SEMA6D: variants seen among roughly 807,000 people sequenced by gnomAD.
SEMA6D encodes the protein semaphorin 6D, also known as semaphorin-6D.
A neutral mutation model predicts 106.6 loss-of-function variants in SEMA6D; 35 were observed. The observed-to-expected ratio is 0.33, with a 90% CI of 0.25 to 0.44. SEMA6D has a LOEUF of 0.44. SEMA6D is among the 20% of genes least tolerant of loss of function. The pLI is 1.00. For synonymous variants in SEMA6D, 499 were observed against 487.7 expected, an observed-to-expected ratio of 1.02 and a Z score of -0.31; for missense variants, 1,185 against 1,345.9, an observed-to-expected ratio of 0.88 and a Z score of 1.87.
chr15:47,603,834 T>C (rs2076716608), intron 4 of SEMA6D: 1 of 152,198 alleles, frequency 6.6e-6, no homozygotes, highest in Non-Finnish European at 1.5e-5. Context: ...ACTTTCTGTT[T>C]CCTTTTGAGT....
At chr15:47,359,253 G>T (rs973163128) in intron 1 of SEMA6D, among the ~76,000 whole-genome samples, 2 of 152,096 alleles carry the variant, frequency 1.3e-5, no homozygotes, top group African/African-American at 4.8e-5. Flanking sequence ...GTGTACATAT[G>T]ACACCCAGTT....
At chr15:47,546,728 G>T (rs1596291685) in intron 3 of SEMA6D, among the ~76,000 whole-genome samples, 1 of 151,832 alleles carries the variant, frequency 6.6e-6, no homozygotes, top group Non-Finnish European at 1.5e-5. Flanking sequence ...TACATTTGAT[G>T]TGTATCTCGG....
intron 1 of SEMA6D, among the ~76,000 whole-genome samples, chr15:47,379,340 A>T (rs1313536083): frequency 6.6e-6 from 1 of 152,232 alleles, no homozygotes; most frequent in Non-Finnish European, 1.5e-5. Context: ...CTAAAATAAT[A>T]GGTCAGTAAA....
rs1036194621 is a variant in SEMA6D at position 47,508,709 on chromosome 15, CCG to C, written c.-87+38166_-87+38167del. ...CAAGTGTAACCTCAGGATTGTTATC[CCG>C]CAGGGAGTACACACCTAGTGTAGTG... On this transcript the variant is annotated intron_variant, in intron 3 of 19. Coordinates refer to the SEMA6D transcript ENST00000558014. Among the ~76,000 whole-genome samples, 7 of 152,302 alleles carry C rather than the reference CCG, an allele frequency of 4.6e-5. No individual in the cohort carries two copies. In the South Asian group the frequency reaches 8.3e-4, roughly 18 times the overall value.
chr15:47,727,505 A>T (rs2079834943), intron 1 of SEMA6D, among the ~76,000 whole-genome samples: 1 of 152,184 alleles, frequency 6.6e-6, no homozygotes, highest in Non-Finnish European at 1.5e-5. Flanking sequence ...AAGGTGCTAG[A>T]CCTCAGGGCT....
intron 3 of SEMA6D, among the ~76,000 whole-genome samples, chr15:47,479,665 C>G (rs1027800984): frequency 6.6e-6 from 1 of 151,886 alleles, no homozygotes; most frequent in African/African-American, 2.4e-5. Flanking sequence ...ATTGGAATAT[C>G]TTTTCTTGAT....
At chr15:47,386,799 A>G (rs2039854097) in intron 1 of SEMA6D, among the ~76,000 whole-genome samples, 1 of 152,228 alleles carries the variant, frequency 6.6e-6, no homozygotes, top group South Asian at 2.1e-4. Context: ...TTTAATAAGC[A>G]CAGGGGCTAG....
intron 1 of SEMA6D, among the ~76,000 whole-genome samples, chr15:47,378,054 A>C (rs2039510096): frequency 6.6e-6 from 1 of 152,214 alleles, no homozygotes; most frequent in African/African-American, 2.4e-5. Context: ...GTTTTGAAGC[A>C]GCTTGATTGG....
At chr15:47,754,292 C>T (rs1215009235) in intron 1 of SEMA6D, among the ~76,000 whole-genome samples, 1 of 152,180 alleles carries the variant, frequency 6.6e-6, no homozygotes, top group Non-Finnish European at 1.5e-5. Flanking sequence ...CCTATAAATT[C>T]CCCTGCCTAA....
Position 47,729,807 on chromosome 15 carries a change from G to A in SEMA6D, c.-55+12115G>A, listed in dbSNP as rs144244639. Reference sequence around the variant, plus strand: ...ATCTCTGGTTTAATGTAACTTTAAAGTTCAAAATGTGTGCTCATTACTGAA... The same window carrying A: ...ATCTCTGGTTTAATGTAACTTTAAAATTCAAAATGTGTGCTCATTACTGAA... On this transcript the variant is annotated intron_variant, in intron 1 of 18. Coordinates refer to ENST00000536845, the MANE Select transcript of SEMA6D (RefSeq NM_001358351.3). Among the ~76,000 whole-genome samples the A allele has an allele frequency of 1.1e-4, 17 of 152,314 alleles. No individual in the cohort carries two copies. The East Asian group carries it at 3.3e-3, about 29-fold the overall frequency.
At chr15:47,390,911 G>A (rs1332556715) in intron 1 of SEMA6D, among the ~76,000 whole-genome samples, 1 of 152,094 alleles carries the variant, frequency 6.6e-6, no homozygotes, top group African/African-American at 2.4e-5. Flanking sequence ...GAAGCAGGAG[G>A]ATGCAACTCA....
At chr15:47,642,154 A>G (rs1220562405) in intron 4 of SEMA6D, among the ~76,000 whole-genome samples, 2 of 152,218 alleles carry the variant, frequency 1.3e-5, no homozygotes, top group Non-Finnish European at 2.9e-5. Flanking sequence ...AGACAAATTG[A>G]TGGCCATTAC....
intron 4 of SEMA6D, among the ~76,000 whole-genome samples, chr15:47,689,820 T>G (rs2078546791): frequency 6.6e-6 from 1 of 152,334 alleles, no homozygotes; most frequent in South Asian, 2.1e-4. Context: ...GAGGACTGAC[T>G]TCCATGACAG....
At chr15:47,376,373 A>C (rs145921664) in intron 1 of SEMA6D, among the ~76,000 whole-genome samples, 1 of 152,094 alleles carries the variant, frequency 6.6e-6, no homozygotes, top group African/African-American at 2.4e-5. Context: ...CCACCTCAGC[A>C]CCCCCTGCAC....
At chr15:47,260,476 C>A (rs912987060) in intron 1 of SEMA6D, among the ~76,000 whole-genome samples, 1 of 152,068 alleles carries the variant, frequency 6.6e-6, no homozygotes, top group Non-Finnish European at 1.5e-5. Flanking sequence ...CCCCACTGAT[C>A]CATGCTAGTA....
intron 4 of SEMA6D, among the ~76,000 whole-genome samples, chr15:47,688,717 G>A (rs1041264572): frequency 4.6e-5 from 7 of 152,274 alleles, no homozygotes; most frequent in Non-Finnish European, 7.4e-5. Flanking sequence ...TGAGTCTACC[G>A]TTTCATAATG....
rs114439854 is a variant in SEMA6D at position 47,732,832 on chromosome 15, A to T, written c.-55+15140A>T. ...ATGACACTGCAAGAAAATGCTACAAAAATGTAGGCAGGATTCATAAAACGA... is the reference window on the plus strand; with the variant it reads ...ATGACACTGCAAGAAAATGCTACAATAATGTAGGCAGGATTCATAAAACGA... On this transcript the variant is annotated intron_variant, in intron 1 of 18. Transcript: ENST00000536845. Among the ~76,000 whole-genome samples, 1,435 of 152,328 alleles carry T rather than the reference A, an allele frequency of 9.4e-3. 27 individuals are homozygous for T. The highest frequency in any genetic ancestry group is 0.033 in the African/African-American group (1,352 of 41,586).
At chr15:47,607,456 T>A (rs1490484835) in intron 4 of SEMA6D, among the ~76,000 whole-genome samples, 1 of 152,190 alleles carries the variant, frequency 6.6e-6, no homozygotes, top group Non-Finnish European at 1.5e-5. Flanking sequence ...TCTGGATCCT[T>A]GTCCCTTTCC....
intron 1 of SEMA6D, among the ~76,000 whole-genome samples, chr15:47,222,226 T>A (rs2031271618): frequency 6.6e-6 from 1 of 152,194 alleles, no homozygotes; most frequent in Non-Finnish European, 1.5e-5. Flanking sequence ...ATAGACATCC[T>A]ACAGAAATGA....
Sources: gnomAD v4.1 joint callset for allele counts (sites outside exome capture counted in the v4.1 genomes callset) on GRCh38, gnomAD v4.1.1 for gene constraint, MANE v1.5 for transcripts, NCBI Gene and HGNC (gene_info 2026-07-23, HGNC 2026-07-21) for gene names.